Variants in FHIT observed in about 807,000 individuals in gnomAD.
The protein encoded by FHIT is fragile histidine triad diadenosine triphosphatase, also known as bis(5'-adenosyl)-triphosphatase.
In FHIT, 19 loss-of-function variants were observed where a neutral mutation model predicts 17.9. The observed-to-expected ratio is 1.06, with a 90% confidence interval of 0.74 to 1.56. FHIT has a LOEUF of 1.56. FHIT is among the 40% of genes most tolerant of loss of function. The probability of loss-of-function intolerance (pLI) is 0.00; values close to 1 mark genes in which losing one functional copy is unlikely to be tolerated. For synonymous variants in FHIT, 81 were observed against 69.7 expected (o/e 1.16, Z -0.81); for missense variants, 248 against 189.2 (o/e 1.31, Z -1.82).
chr3:61,099,984 T>A (rs7638707), intron 2 of FHIT, among the ~76,000 whole-genome samples: 2 of 151,938 alleles, frequency 1.3e-5, no homozygotes, highest in Non-Finnish European at 2.9e-5. Context: ...TATTGTTGTC[T>A]GGTTTAGTGG....
At chr3:60,897,386 A>T (rs1360094033) in intron 3 of FHIT, among the ~76,000 whole-genome samples, 2 of 152,100 alleles carry the variant, frequency 1.3e-5, no homozygotes, top group South Asian at 2.1e-4. Context: ...CAATATTAGC[A>T]TTTTATCAGA....
Position 60,330,221 on chromosome 3 carries a change from T to C in FHIT, c.103+206639A>G, listed in dbSNP as rs1340847346. ...CTGACAGAGCAAGTATTCCAGACAA[T>C]TGGTTCCTGGAGGGTCAAGACAGCA... On this transcript the variant is annotated intron_variant, in intron 5 of 9. Coordinates refer to ENST00000492590, the MANE Select transcript of FHIT (RefSeq NM_002012.4). 1.1e-4 allele frequency among the ~76,000 whole-genome samples: 16 copies of C among 152,216 alleles called. No individual in the cohort carries two copies. The East Asian group carries it at 1.5e-3, about 15-fold the overall frequency.
chr3:59,864,337 T>C lies in FHIT; in HGVS notation c.348+58009A>G, dbSNP rs533865013. On this transcript the variant is annotated intron_variant, in intron 8 of 9. Transcript: ENST00000492590. Reference sequence around the variant, plus strand: ...AAAATCTCATGGGTTTATCAGGGGCTTCTGCTTTTGGTTCTTCCTGATTTT... The same window carrying C: ...AAAATCTCATGGGTTTATCAGGGGCCTCTGCTTTTGGTTCTTCCTGATTTT... Among the ~76,000 whole-genome samples, 4 of 152,248 alleles carry C rather than the reference T, an allele frequency of 2.6e-5. No homozygotes were observed. The South Asian group carries it at 8.3e-4, about 32-fold the overall frequency.
intron 8 of FHIT, among the ~76,000 whole-genome samples, chr3:59,773,727 A>T (rs533530923): frequency 6.6e-6 from 1 of 152,226 alleles, no homozygotes; most frequent in African/African-American, 2.4e-5. Context: ...GCAGACCAAC[A>T]TCACCTGGCG....
intron 4 of FHIT, among the ~76,000 whole-genome samples, chr3:60,783,202 G>C (rs1426841915): frequency 6.6e-6 from 1 of 152,042 alleles, no homozygotes; most frequent in Non-Finnish European, 1.5e-5. Flanking sequence ...GCTCTCACTG[G>C]GTCTTATGTT....
chr3:60,714,632 C>A (rs1434915687), intron 4 of FHIT, among the ~76,000 whole-genome samples: 1 of 152,194 alleles, frequency 6.6e-6, no homozygotes, highest in Non-Finnish European at 1.5e-5. Context: ...CATTCTTATA[C>A]ACCAATGACA....
At chr3:61,213,023 A>T (rs1270088519) in intron 1 of FHIT, among the ~76,000 whole-genome samples, 1 of 152,216 alleles carries the variant, frequency 6.6e-6, no homozygotes, top group Non-Finnish European at 1.5e-5. Flanking sequence ...CATGGAAAGG[A>T]ACAACCAGTA....
At chr3:61,179,614 G>A (rs930093174) in intron 2 of FHIT, among the ~76,000 whole-genome samples, 17 of 149,840 alleles carry the variant, frequency 1.1e-4, no homozygotes, top group Non-Finnish European at 2.1e-4. Flanking sequence ...AGGCTAAGAC[G>A]GGAGGATCAC....
chr3:60,442,665 G>T (rs186207814), intron 5 of FHIT, among the ~76,000 whole-genome samples: 1 of 152,224 alleles, frequency 6.6e-6, no homozygotes, highest in East Asian at 1.9e-4. Flanking sequence ...ATGCTGTTTT[G>T]GTTACTGTAG....
At chr3:61,099,132 G>A (rs953015748) in intron 2 of FHIT, among the ~76,000 whole-genome samples, 2 of 151,940 alleles carry the variant, frequency 1.3e-5, no homozygotes, top group Admixed American at 1.3e-4. Flanking sequence ...AACATAAATG[G>A]GTATTAAATT....
At chr3:61,107,928 G>C (rs1159207099) in intron 2 of FHIT, among the ~76,000 whole-genome samples, 21 of 152,284 alleles carry the variant, frequency 1.4e-4, no homozygotes. Flanking sequence ...GTCAGTGATT[G>C]GCACAAGGGT....
chr3:60,191,575 A>G (rs190594329), intron 5 of FHIT, among the ~76,000 whole-genome samples: 204 of 152,292 alleles, frequency 1.3e-3, no homozygotes, highest in African/African-American at 4.7e-3. Flanking sequence ...TCCTCCAGAA[A>G]CAGACTCAAA....
At chr3:59,979,929 T>A (rs1051042827) in intron 7 of FHIT, among the ~76,000 whole-genome samples, 2 of 152,166 alleles carry the variant, frequency 1.3e-5, no homozygotes, top group African/African-American at 4.8e-5. Context: ...TCTCCAGTCC[T>A]TCCCAGCATA....
At chr3:60,242,230 T>C (rs1297310418) in intron 5 of FHIT, among the ~76,000 whole-genome samples, 2 of 152,140 alleles carry the variant, frequency 1.3e-5, no homozygotes, top group African/African-American at 4.8e-5. Context: ...AAATAGATTT[T>C]TATCTGTAGC....
intron 5 of FHIT, among the ~76,000 whole-genome samples, chr3:60,159,148 T>A (rs773929293): frequency 5.9e-5 from 9 of 151,972 alleles, no homozygotes; most frequent in Non-Finnish European, 1.3e-4. Flanking sequence ...TGAAAGAGGG[T>A]CTCACTTTGT....
At chr3:60,367,914 T>G (rs1200052001) in intron 5 of FHIT, among the ~76,000 whole-genome samples, 1 of 152,194 alleles carries the variant, frequency 6.6e-6, no homozygotes, top group Non-Finnish European at 1.5e-5. Context: ...TATGTACACT[T>G]TGGTGTTGAA....
chr3:60,019,742 C>A (rs1171058627), intron 5 of FHIT, among the ~76,000 whole-genome samples: 1 of 152,090 alleles, frequency 6.6e-6, no homozygotes. Flanking sequence ...ACATCAACTA[C>A]TCCAATACCT....
chr3:60,292,500 T>C (rs1708032913), intron 5 of FHIT, among the ~76,000 whole-genome samples: 1 of 152,136 alleles, frequency 6.6e-6, no homozygotes, highest in Non-Finnish European at 1.5e-5. Flanking sequence ...TTTCTTTAAC[T>C]TTTACAACCA....
intron 5 of FHIT, among the ~76,000 whole-genome samples, chr3:60,053,256 T>C (rs755885296): frequency 1.3e-5 from 2 of 151,674 alleles, no homozygotes; most frequent in Non-Finnish European, 2.9e-5. Context: ...CCCAATTATT[T>C]TCTCTCTAGA....
Sources: allele counts gnomAD v4.1 joint callset (sites outside exome capture counted in the v4.1 genomes callset), GRCh38; gene constraint gnomAD v4.1.1; transcripts MANE v1.5; gene names NCBI Gene and HGNC (gene_info 2026-07-23, HGNC 2026-07-21).